The following PRKG1 variants were observed in gnomAD, a reference collection of about 807,000 sequenced individuals.
PRKG1 encodes protein kinase cGMP-dependent 1.
In PRKG1, 35 loss-of-function variants were observed where a neutral mutation model predicts 88.1. The observed-to-expected ratio is 0.40, with a 90% CI of 0.30 to 0.53. PRKG1 has a LOEUF of 0.53. PRKG1 is among the 20% of genes least tolerant of loss of function. PRKG1 has a pLI of 0.59. For missense variants in PRKG1, 540 were observed against 839.8 expected (o/e 0.64, Z 4.41); for synonymous variants, 303 against 292.5 (o/e 1.04, Z -0.37).
chr10:52,167,161 G>C (rs1035505533), intron 9 of PRKG1, among the ~76,000 whole-genome samples: 2 of 151,998 alleles, frequency 1.3e-5, no homozygotes, highest in African/African-American at 4.8e-5. Context: ...GCATAGTTCT[G>C]GCATCTGTTC....
chr10:51,005,780 G>A (rs930789591), intron 1 of PRKG1, among the ~76,000 whole-genome samples: 4 of 152,234 alleles, frequency 2.6e-5, no homozygotes, highest in African/African-American at 9.6e-5. Context: ...GAGCTGCTCA[G>A]AGTGCTAGAA....
intron 3 of PRKG1, among the ~76,000 whole-genome samples, chr10:51,784,834 A>C (rs185380688): frequency 6.6e-6 from 1 of 152,254 alleles, no homozygotes; most frequent in East Asian, 1.9e-4. Flanking sequence ...TGGAATAAAA[A>C]ATTACATTCA....
intron 2 of PRKG1, chr10:51,245,739 A>G (rs1839272093): frequency 6.6e-6 from 1 of 152,100 alleles, no homozygotes; most frequent in Non-Finnish European, 1.5e-5. Context: ...AAGTGTTCTC[A>G]TTGTGCTAAG....
intron 2 of PRKG1, among the ~76,000 whole-genome samples, chr10:51,458,408 T>G (rs1839650417): frequency 6.6e-6 from 1 of 150,916 alleles, no homozygotes; most frequent in East Asian, 1.9e-4. Flanking sequence ...TTCCAACATA[T>G]TCATCAATGA....
intron 2 of PRKG1, among the ~76,000 whole-genome samples, chr10:51,221,438 C>G (rs959620755): frequency 2.1e-4 from 32 of 151,924 alleles, no homozygotes; most frequent in Non-Finnish European, 2.5e-4. Context: ...GTTTCTAAAT[C>G]TCTCTTTGTA....
At chr10:51,729,520 A>C (rs1842219909) in intron 3 of PRKG1, among the ~76,000 whole-genome samples, 1 of 151,924 alleles carries the variant, frequency 6.6e-6, no homozygotes, top group Admixed American at 6.6e-5. Flanking sequence ...CAGCCTGACC[A>C]ACATGGTGAA....
chr10:52,185,289 A>C (rs1839166247), intron 9 of PRKG1, among the ~76,000 whole-genome samples: 1 of 152,230 alleles, frequency 6.6e-6, no homozygotes, highest in African/African-American at 2.4e-5. Flanking sequence ...CATCAGTCCA[A>C]AATTCATCAG....
Position 51,196,792 on chromosome 10 carries a change from A to T in PRKG1, c.478+43462A>T, listed in dbSNP as rs116501449. Among the ~76,000 whole-genome samples the T allele has an allele frequency of 5.7e-3, 868 of 152,328 alleles. 3 individuals are homozygous for T. Among genetic ancestry groups the T allele is most frequent in the African/African-American group, 0.02 (825 of 41,556 alleles). ...GTGTATATTTTTTGTACTCTTAAAC[A>T]GCTCAGTTCAAGTTGGCCACTTTCT... On this transcript the variant is annotated intron_variant, in intron 2 of 17. Coordinates refer to ENST00000373980, the MANE Select transcript of PRKG1 (RefSeq NM_006258.4).
At chr10:51,764,757 G>C (rs1344213252) in intron 3 of PRKG1, among the ~76,000 whole-genome samples, 1 of 152,078 alleles carries the variant, frequency 6.6e-6, no homozygotes, top group Non-Finnish European at 1.5e-5. Flanking sequence ...CCCAAAATTA[G>C]GTGTTGAAAC....
At chr10:51,759,171 C>CT (rs1837952748) in intron 3 of PRKG1, among the ~76,000 whole-genome samples, 2 of 152,046 alleles carry the variant, frequency 1.3e-5, no homozygotes, top group African/African-American at 4.8e-5. Flanking sequence ...GTGCATGTAT[C>CT]TTTATAGTAG....
rs1843111203 is a variant in PRKG1 at position 51,948,553 on chromosome 10, T to TC, written c.762+40983_762+40984insC. 1.5e-4 allele frequency among the ~76,000 whole-genome samples: 10 copies of TC among 68,794 alleles called. No individual in the cohort carries two copies. In the Admixed American group the frequency reaches 1.8e-3, roughly 12 times the overall value. The allele number at this position is 68,794 out of a possible 152,430, so 45.1% of individuals were successfully genotyped here. A position where few individuals can be genotyped will look rare whatever the true frequency, so the allele number is the denominator to read the frequency against. ...GTGTGTGTGTGTGTGTGTGTGCGTGTGTGTGTGTGTAATTTGATAAGTAAT... is the reference window on the plus strand; with the variant it reads ...GTGTGTGTGTGTGTGTGTGTGCGTGTCGTGTGTGTGTAATTTGATAAGTAAT... On this transcript the variant is annotated intron_variant, in intron 5 of 17. Coordinates refer to ENST00000373980, the MANE Select transcript of PRKG1 (RefSeq NM_006258.4).
chr10:51,361,375 A>G (rs1842477438), intron 2 of PRKG1, among the ~76,000 whole-genome samples: 1 of 151,926 alleles, frequency 6.6e-6, no homozygotes, highest in Admixed American at 6.6e-5. Flanking sequence ...GCTCTACTCT[A>G]TCTTTGTACC....
intron 2 of PRKG1, among the ~76,000 whole-genome samples, chr10:51,209,238 T>C (rs991347330): frequency 5.3e-5 from 8 of 152,206 alleles, no homozygotes; most frequent in African/African-American, 1.9e-4. Flanking sequence ...TGCAGAAATG[T>C]ATTCCTTTAT....
At chr10:51,759,228 G>A (rs991303633) in intron 3 of PRKG1, among the ~76,000 whole-genome samples, 3 of 151,936 alleles carry the variant, frequency 2.0e-5, no homozygotes, top group Admixed American at 6.6e-5. Context: ...GGGATTGCTG[G>A]GTCAAATTGT....
chr10:51,421,646 T>C (rs953386359), intron 2 of PRKG1, among the ~76,000 whole-genome samples: 5 of 152,218 alleles, frequency 3.3e-5, no homozygotes, highest in African/African-American at 4.8e-5. Flanking sequence ...GTCTGTCTCC[T>C]GCACACTTGC....
At chr10:51,966,784 G>A (rs960121194) in intron 5 of PRKG1, among the ~76,000 whole-genome samples, 1 of 152,112 alleles carries the variant, frequency 6.6e-6, no homozygotes, top group Non-Finnish European at 1.5e-5. Context: ...TCTTTGTCCA[G>A]GCCAGCCTTT....
chr10:51,154,376 G>A (rs1846153423), intron 2 of PRKG1, among the ~76,000 whole-genome samples: 1 of 151,904 alleles, frequency 6.6e-6, no homozygotes, highest in African/African-American at 2.4e-5. Context: ...GTAAAGGCCA[G>A]GCATACTGCT....
At chr10:51,755,636 G>A (rs1660759852) in intron 3 of PRKG1, among the ~76,000 whole-genome samples, 1 of 152,150 alleles carries the variant, frequency 6.6e-6, no homozygotes, top group Non-Finnish European at 1.5e-5. Flanking sequence ...CTTTATATTT[G>A]TGGTTAAATG....
chr10:52,273,741 C>T (rs1028625955), intron 12 of PRKG1, among the ~76,000 whole-genome samples: 3 of 151,860 alleles, frequency 2.0e-5, no homozygotes, highest in Non-Finnish European at 2.9e-5. Context: ...TGGCATTAGG[C>T]GATAAGGTTA....
Sources: gnomAD v4.1 joint callset for allele counts (sites outside exome capture counted in the v4.1 genomes callset) on GRCh38, gnomAD v4.1.1 for gene constraint, MANE v1.5 for transcripts, NCBI Gene and HGNC (gene_info 2026-07-23, HGNC 2026-07-21) for gene names.